P4HA3: variants seen among roughly 807,000 people sequenced by gnomAD.
P4HA3 encodes the protein prolyl 4-hydroxylase subunit alpha 3, also known as prolyl 4-hydroxylase subunit alpha-3.
Under a neutral mutation model 66.7 loss-of-function variants are expected in P4HA3, and 60 were observed. The observed-to-expected ratio is 0.90, with a 90% confidence interval of 0.73 to 1.12. The LOEUF (loss-of-function observed/expected upper bound fraction) is 1.12. Among genes scored for constraint, P4HA3 ranks in the 50% most tolerant of loss-of-function variants. P4HA3 has a pLI of 0.00. For missense variants in P4HA3, 683 were observed against 685.8 expected (o/e 1.00, Z 0.05); for synonymous variants, 263 against 274.6 (o/e 0.96, Z 0.42).
At chr11:74,268,372 TAAAATGGCAC>T (rs1337667022) in intron 11 of P4HA3, 131 bp from the exon 12 acceptor site, 2 of 744,024 alleles carry the variant, frequency 2.7e-6, no homozygotes, top group East Asian at 2.6e-5. Flanking sequence ...AATGCATGCA[TAAAATGGCAC>T]AAAATGGCAT....
intron 10 of P4HA3, among the ~76,000 whole-genome samples, chr11:74,273,015 CT>C (rs1191547904): frequency 6.6e-6 from 1 of 152,166 alleles, no homozygotes; most frequent in Non-Finnish European, 1.5e-5. Context: ...GGAGATTTTA[CT>C]GAAGATTTTA....
In P4HA3 at chr11:74,269,271, G is replaced by C. The variant is rs118142099; in HGVS notation, c.1467+381C>G. 8.9e-4 allele frequency among the ~76,000 whole-genome samples: 136 copies of C among 152,272 alleles called. 1 individual carries two copies. The East Asian group carries it at 0.025, about 27-fold the overall frequency. On this transcript the variant is annotated intron_variant, in intron 11 of 12. Coordinates refer to ENST00000331597, the MANE Select transcript of P4HA3 (RefSeq NM_182904.5). ...GTAAACTCCTGGATCAAAGGGCTAT[G>C]AATTTCCCTCTGCACCCTCCGTGCC...
chr11:74,286,294 C>T lies in P4HA3; in HGVS notation c.867G>A (p.Arg289=), dbSNP rs746851169. 4 of 1,611,900 alleles carry T rather than the reference C, an allele frequency of 2.5e-6. No homozygotes were observed. The highest frequency in any genetic ancestry group is 3.4e-6 in the Non-Finnish European group (4 of 1,179,208). ...NHVVAEAVIQ[R]PNIPHLQTRD... ...TGGTCTGCAGGTGGGGTATATTGGG[C>T]CTCTGGATGACAGCCTCAGCTACCA... The change falls in exon 6 of 13, where the codon AGG becomes AGA. Residue 289 remains arginine (R), a synonymous_variant. Coordinates refer to ENST00000331597, the MANE Select transcript of P4HA3 (RefSeq NM_182904.5).
intron 4 of P4HA3, 26 bp downstream of exon 4, chr11:74,298,186 G>A (rs777848231): frequency 6.2e-7 from 1 of 1,606,742 alleles, no homozygotes; most frequent in South Asian, 1.1e-5. Flanking sequence ...TATAATAAAA[G>A]CAGTGAGCTT....
At chr11:74,286,444 C>A in intron 5 of P4HA3, 53 bp from the exon 6 acceptor site, 1 of 1,456,290 alleles carries the variant, frequency 6.9e-7, no homozygotes, top group East Asian at 2.4e-5. Context: ...AATACTGGCC[C>A]CAGGGAGTGC....
At chr11:74,257,853 G>A (rs763476005) in intron 15 of P4HA3, among the ~76,000 whole-genome samples, 2 of 152,118 alleles carry the variant, frequency 1.3e-5, no homozygotes, top group African/African-American at 2.4e-5. Context: ...GAGAGAACAG[G>A]ATAGTCTCAT....
intron 11 of P4HA3, 92 bp downstream of exon 11, chr11:74,269,560 G>T: frequency 7.4e-7 from 1 of 1,353,268 alleles, no homozygotes; most frequent in Non-Finnish European, 1.0e-6. Context: ...CCTCCTCCCA[G>T]GAATGGGCTT....
In P4HA3 at chr11:74,290,368, C is replaced by T. The variant is rs1458277740; in HGVS notation, c.718-1238G>A. On this transcript the variant is annotated intron_variant, in intron 4 of 12. Transcript: ENST00000331597. ...AGCCCTTTGTCAGATGAGTAGGTTG[C>T]GAAAATTTTCTCCCATTTTGTAGGT... 1.2e-3 allele frequency among the ~76,000 whole-genome samples: 187 copies of T among 150,870 alleles called. 1 individual carries two copies. The highest frequency in any genetic ancestry group is 4.2e-3 in the African/African-American group (173 of 41,174).
At chr11:74,283,253 TC>T (rs1219016172) in intron 7 of P4HA3, among the ~76,000 whole-genome samples, 5 of 152,042 alleles carry the variant, frequency 3.3e-5, no homozygotes, top group Non-Finnish European at 7.4e-5. Context: ...TAAATCAACG[TC>T]TCTGGGTGGG....
chr11:74,302,938 T>C (rs535473490), intron 2 of P4HA3, among the ~76,000 whole-genome samples: 2 of 152,044 alleles, frequency 1.3e-5, no homozygotes, highest in South Asian at 4.2e-4. Flanking sequence ...TCTTCTCTCC[T>C]CTTTTCTTTC....
rs1423734832 is a variant in P4HA3 at position 74,267,109 on chromosome 11, C to T, written c.*139G>A. 1.2e-5 allele frequency: 19 copies of T among 1,545,246 alleles called. No individual in the cohort carries two copies. In the East Asian group the frequency reaches 4.3e-4, roughly 35 times the overall value. On this transcript the variant is annotated 3_prime_UTR_variant, in exon 13 of 13. Coordinates refer to ENST00000331597, the MANE Select transcript of P4HA3 (RefSeq NM_182904.5). ...CCTGGTAACAACCTCTCCCTTGCCT[C>T]TGATTTGCGAGGCACAGACAAAGCT... is the stretch of plus-strand genomic sequence containing the variant.
chr11:74,288,242 G>A (rs1433831010), intron 5 of P4HA3, among the ~76,000 whole-genome samples: 3 of 152,184 alleles, frequency 2.0e-5, no homozygotes, highest in African/African-American at 4.8e-5. Flanking sequence ...GAGACTCCCT[G>A]AAGGGGGGTG....
chr11:74,275,939 G>T (rs992554905), intron 9 of P4HA3, among the ~76,000 whole-genome samples: 3 of 152,072 alleles, frequency 2.0e-5, no homozygotes, highest in African/African-American at 7.2e-5. Flanking sequence ...AAGAAAATAA[G>T]GTATATATAC....
chr11:74,302,500 C>A lies in P4HA3; in HGVS notation c.436G>T (p.Val146Leu), dbSNP rs767738488. 1 of 1,614,214 alleles carries A rather than the reference C, an allele frequency of 6.2e-7. No homozygotes were observed. Among genetic ancestry groups the A allele is most frequent in the Admixed American group, 1.7e-5 (1 of 60,030 alleles). Residue 146 changes from valine to leucine, a missense_variant, in exon 3 of 13, where the codon GTG becomes TTG. Val to Leu is a conservative substitution (Grantham distance 32). Coordinates refer to ENST00000331597, the MANE Select transcript of P4HA3 (RefSeq NM_182904.5). ...AARALMRLQD[V>L]YMLNVKGLAR... ...AGGCCTTTCACATTGAGCATGTACACGTCCTGCAGCCGCATCAGGGCCCTT... is the reference window on the plus strand; with the variant it reads ...AGGCCTTTCACATTGAGCATGTACAAGTCCTGCAGCCGCATCAGGGCCCTT...
chr11:74,292,030 C>T (rs1861047023), intron 4 of P4HA3, among the ~76,000 whole-genome samples: 2 of 152,100 alleles, frequency 1.3e-5, no homozygotes, highest in Admixed American at 1.3e-4. Flanking sequence ...GTACCAGCTC[C>T]TCTTTGTACC....
intron 4 of P4HA3, among the ~76,000 whole-genome samples, chr11:74,292,030 C>G (rs1861047023): frequency 6.6e-6 from 1 of 152,100 alleles, no homozygotes; most frequent in East Asian, 1.9e-4. Flanking sequence ...GTACCAGCTC[C>G]TCTTTGTACC....
At chr11:74,305,251 C>G (rs751456736) in intron 1 of P4HA3, among the ~76,000 whole-genome samples, 1 of 151,996 alleles carries the variant, frequency 6.6e-6, no homozygotes, top group Non-Finnish European at 1.5e-5. Context: ...GAAAGGCTTC[C>G]AAGAAGAGAT....
chr11:74,250,736 C>T (rs1368720863), intron 15 of P4HA3: 6 of 532,608 alleles, frequency 1.1e-5, no homozygotes, highest in African/African-American at 7.5e-5. Flanking sequence ...TAAATGTACA[C>T]TAAATAGGAC....
chr11:74,273,684 C>T (rs1860287216), intron 9 of P4HA3, 77 bp from the exon 10 acceptor site: 1 of 1,167,162 alleles, frequency 8.6e-7, no homozygotes, highest in East Asian at 2.7e-5. Flanking sequence ...ACTATTAATA[C>T]AAATAGAAGT....
Sources: gnomAD v4.1 joint callset for allele counts (sites outside exome capture counted in the v4.1 genomes callset) on GRCh38, gnomAD v4.1.1 for gene constraint, MANE v1.5 for transcripts, NCBI Gene and HGNC (gene_info 2026-07-23, HGNC 2026-07-21) for gene names.